EFL1: variants seen among roughly 807,000 people sequenced by gnomAD.
The protein encoded by EFL1 is elongation factor-like GTPase 1.
EFL1 carries 76 observed loss-of-function variants against 126.7 expected under a neutral mutation model. The ratio of observed to expected loss-of-function variants is 0.60; its 90% CI spans 0.50 to 0.73. The LOEUF is 0.73. Ranked by LOEUF, EFL1 falls within the 30% of genes least tolerant of loss-of-function variation. EFL1 has a pLI of 0.00. For missense variants in EFL1, 1,128 were observed against 1,343.2 expected (o/e 0.84, Z 2.50); for synonymous variants, 410 against 448.4 (o/e 0.91, Z 1.08).
At chr15:82,239,189 T>G (rs915635836) in intron 6 of EFL1, among the ~76,000 whole-genome samples, 2 of 152,156 alleles carry the variant, frequency 1.3e-5, no homozygotes. Flanking sequence ...CAGGCTGGAG[T>G]GCAGTGGCGT....
chr15:82,243,719 T>C (rs2074945635), intron 4 of EFL1, among the ~76,000 whole-genome samples: 1 of 139,160 alleles, frequency 7.2e-6, no homozygotes. Context: ...ACAGACCTTT[T>C]AGGGAATAGT....
chr15:82,180,360 AAAAAAAAAAAAAC>A (rs1290532065), intron 15 of EFL1, among the ~76,000 whole-genome samples: 39 of 1,874 alleles, frequency 0.021, 2 homozygotes, highest in African/African-American at 0.054. Context: ...TTAAACTGGC[AAAAAAAAAAAAAC>A]AAAAAAAAAA....
At chr15:82,164,684 T>A (rs2074059449) in intron 15 of EFL1, among the ~76,000 whole-genome samples, 1 of 150,760 alleles carries the variant, frequency 6.6e-6, no homozygotes, top group African/African-American at 2.4e-5. Context: ...GATCACAAGG[T>A]CAGGAGATCG....
chr15:82,220,270 C>T (rs1159750381), intron 12 of EFL1, 41 bp from the exon 13 acceptor site: 1 of 1,533,814 alleles, frequency 6.5e-7, no homozygotes, highest in African/African-American at 1.4e-5. Flanking sequence ...CTCAGTTCAT[C>T]CAAGTAGGGA....
Position 82,130,351 on chromosome 15 carries a change from A to C in EFL1, c.*22T>G. The C allele has an allele frequency of 6.2e-7, 1 of 1,607,654 alleles. No individual in the cohort carries two copies. Among genetic ancestry groups the C allele is most frequent in the Non-Finnish European group, 8.5e-7 (1 of 1,176,640 alleles). ...TACTTTTAAATTCACTATAAGGAAA[A>C]GAATCCACCAGTAGTAGGTAGCTAC... is the stretch of plus-strand genomic sequence containing the variant. On this transcript the variant is annotated 3_prime_UTR_variant, in exon 20 of 20. Transcript: ENST00000268206.
At chr15:82,166,807 C>G (rs1200646909) in intron 15 of EFL1, among the ~76,000 whole-genome samples, 1 of 152,162 alleles carries the variant, frequency 6.6e-6, no homozygotes, top group African/African-American at 2.4e-5. Context: ...TAACCATAAA[C>G]TTCTTGTCCT....
chr15:82,174,645 GA>G (rs1466267539), intron 15 of EFL1, among the ~76,000 whole-genome samples: 1 of 152,120 alleles, frequency 6.6e-6, no homozygotes, highest in Non-Finnish European at 1.5e-5. Context: ...ATCTGATAGG[GA>G]ACTGGAATGT....
intron 16 of EFL1, 49 bp downstream of exon 16, chr15:82,163,804 G>A: frequency 6.3e-7 from 1 of 1,594,470 alleles, no homozygotes; most frequent in Non-Finnish European, 8.6e-7. Flanking sequence ...ACATGCATAT[G>A]CTTTAAAAGT....
chr15:82,260,936 G>A (rs761559108), intron 2 of EFL1, among the ~76,000 whole-genome samples: 2 of 152,196 alleles, frequency 1.3e-5, no homozygotes, highest in Non-Finnish European at 2.9e-5. Context: ...TTGAAATCAA[G>A]AGGAGGCTTA....
chr15:82,246,964 G>A (rs761526700), intron 4 of EFL1, among the ~76,000 whole-genome samples: 3 of 152,156 alleles, frequency 2.0e-5, no homozygotes, highest in African/African-American at 7.3e-5. Flanking sequence ...GGATGAAGAC[G>A]TGTAGAGAAT....
rs868443810 is a variant in EFL1, at chr15:82,227,513, G to A, written c.1129C>T (p.Leu377=). The change falls in exon 11 of 20, where the codon CTG becomes TTG. Residue 377 remains leucine (L), a synonymous_variant. Transcript: ENST00000268206. ...AAAGTTTGTGATCCTGTGCACATCA[G>A]TCTCTCCACTCTCTCAGCTGTAATA... is the stretch of plus-strand genomic sequence containing the variant. ...LDITAERVER[L]MCTGSQTFDS... 1.2e-6 allele frequency: 2 copies of A among 1,614,172 alleles called. No homozygotes were observed. The highest frequency in any genetic ancestry group is 3.3e-4 in the Middle Eastern group (2 of 6,062).
At chr15:82,152,544 A>T in intron 17 of EFL1, 121 bp from the exon 18 acceptor site, 8 of 875,204 alleles carry the variant, frequency 9.1e-6, no homozygotes, top group African/African-American at 1.7e-5. Context: ...AAATTATCTT[A>T]CTATGAAAGA....
intron 11 of EFL1, among the ~76,000 whole-genome samples, chr15:82,225,942 G>T (rs2074758954): frequency 6.6e-6 from 1 of 151,900 alleles, no homozygotes; most frequent in South Asian, 2.1e-4. Context: ...TATATATAAA[G>T]AATTCAACAG....
intron 15 of EFL1, among the ~76,000 whole-genome samples, chr15:82,188,686 A>G (rs2074326983): frequency 6.6e-6 from 1 of 152,260 alleles, no homozygotes; most frequent in African/African-American, 2.4e-5. Context: ...CTTCCCTTTC[A>G]ACAATTATTT....
Position 82,245,471 on chromosome 15 carries a change from T to G in EFL1, c.245-4068A>C, listed in dbSNP as rs531796494. Among the ~76,000 whole-genome samples the G allele has an allele frequency of 6.6e-5, 10 of 152,232 alleles. No homozygotes were observed. In the South Asian group the frequency reaches 2.1e-3, roughly 32 times the overall value. On this transcript the variant is annotated intron_variant, in intron 4 of 19. Transcript: ENST00000268206. ...TATATCTTAAATCACTATTATCCTT[T>G]TATATTTTAAATCAATGTATAACAT...
rs533470743 is a variant in EFL1 at position 82,171,426 on chromosome 15, T to C, written c.1751-7442A>G. Among the ~76,000 whole-genome samples the C allele has an allele frequency of 1.2e-4, 18 of 152,238 alleles. 1 individual carries two copies. In the South Asian group the frequency reaches 3.1e-3, roughly 26 times the overall value. On this transcript the variant is annotated intron_variant, in intron 15 of 19. Transcript: ENST00000268206. ...AAAAAGACCAACACGTGTGGGAATGTGGAAATGACGAAGGGGCAACAGTGG... is the reference window on the plus strand; with the variant it reads ...AAAAAGACCAACACGTGTGGGAATGCGGAAATGACGAAGGGGCAACAGTGG...
chr15:82,201,268 G>A (rs2074465168), intron 15 of EFL1, among the ~76,000 whole-genome samples: 1 of 152,162 alleles, frequency 6.6e-6, no homozygotes, highest in South Asian at 2.1e-4. Context: ...AGATTTGGGA[G>A]GCCCAGTCCT....
At chr15:82,165,168 T>C (rs2074065930) in intron 15 of EFL1, among the ~76,000 whole-genome samples, 1 of 151,222 alleles carries the variant, frequency 6.6e-6, no homozygotes, top group Non-Finnish European at 1.5e-5. Flanking sequence ...ACTTGAGAGG[T>C]TGAGGTGGGA....
At chr15:82,223,455 C>T (rs903540769) in intron 12 of EFL1, among the ~76,000 whole-genome samples, 1 of 151,944 alleles carries the variant, frequency 6.6e-6, no homozygotes, top group Non-Finnish European at 1.5e-5. Context: ...CAGAAATATA[C>T]TAAAATCAGA....
Sources: gnomAD v4.1 joint callset for allele counts (sites outside exome capture counted in the v4.1 genomes callset) on GRCh38, gnomAD v4.1.1 for gene constraint, MANE v1.5 for transcripts, NCBI Gene and HGNC (gene_info 2026-07-23, HGNC 2026-07-21) for gene names.